DENND2B: variants seen among roughly 807,000 people sequenced by gnomAD.
The protein encoded by DENND2B is DENN domain-containing protein 2B.
In DENND2B, 32 loss-of-function variants were observed where a neutral mutation model predicts 116.0. The ratio of observed to expected loss-of-function variants is 0.28; its 90% CI spans 0.21 to 0.37. The LOEUF is 0.37. Ranked by LOEUF, DENND2B falls within the 10% of genes least tolerant of loss-of-function variation. The pLI, the probability that DENND2B is intolerant of heterozygous loss-of-function variation, is 1.00. For missense variants in DENND2B, 1,276 were observed against 1,477.7 expected (o/e 0.86, Z 2.24); for synonymous variants, 588 against 583.9 (o/e 1.01, Z -0.10).
chr11:8,735,117 G>A (rs973558624), intron 2 of DENND2B, among the ~76,000 whole-genome samples: 2 of 152,264 alleles, frequency 1.3e-5, no homozygotes, highest in Middle Eastern at 6.8e-3. Context: ...TGATCTCGGT[G>A]ATTTGCTTTG....
At chr11:8,891,056 T>C (rs2134743098) in intron 1 of DENND2B, among the ~76,000 whole-genome samples, 1 of 152,290 alleles carries the variant, frequency 6.6e-6, no homozygotes, top group Middle Eastern at 3.4e-3. Context: ...GTAGAAACTA[T>C]ACAAGCCAGA....
At chr11:8,813,218 A>C (rs574658556), upstream of DENND2B, among the ~76,000 whole-genome samples, 1 of 152,346 alleles carries the variant, frequency 6.6e-6, no homozygotes, top group Non-Finnish European at 1.5e-5. Flanking sequence ...CCAGAAGTTA[A>C]GGTAGGAAAG....
chr11:8,880,285 A>G (rs965587861), intron 2 of DENND2B, among the ~76,000 whole-genome samples: 16 of 151,822 alleles, frequency 1.1e-4, no homozygotes, highest in Non-Finnish European at 2.1e-4. Flanking sequence ...TTGAAGAGCC[A>G]AAATATTTAA....
chr11:8,860,081 A>G (rs2063342426), intron 2 of DENND2B, among the ~76,000 whole-genome samples: 1 of 152,126 alleles, frequency 6.6e-6, no homozygotes, highest in Non-Finnish European at 1.5e-5. Flanking sequence ...CCAAATAAAC[A>G]CCTAGAGAAT....
chr11:8,751,150 C>T (rs910585640), intron 1 of DENND2B, among the ~76,000 whole-genome samples: 13 of 152,140 alleles, frequency 8.5e-5, no homozygotes, highest in African/African-American at 3.1e-4. Flanking sequence ...TGTAAACGCA[C>T]CAATCAGCAC....
intron 1 of DENND2B, among the ~76,000 whole-genome samples, chr11:8,774,878 TTATTATTTTCAC>T (rs2057415526): frequency 1.4e-5 from 2 of 145,106 alleles, no homozygotes; most frequent in African/African-American, 5.1e-5. Flanking sequence ...TTTTTTTTAA[TTATTATTTTCAC>T]TTTTTTTTGA....
chr11:8,747,597 G>A (rs923608903), intron 2 of DENND2B, among the ~76,000 whole-genome samples: 1 of 152,176 alleles, frequency 6.6e-6, no homozygotes, highest in Non-Finnish European at 1.5e-5. Context: ...TCCCACCCCA[G>A]ACCCCCAGAG....
intron 4 of DENND2B, among the ~76,000 whole-genome samples, chr11:8,816,957 G>A (rs941181790): frequency 1.3e-5 from 2 of 152,162 alleles, no homozygotes; most frequent in African/African-American, 4.8e-5. Flanking sequence ...AGAGCCCCGG[G>A]CTTGGGGCTT....
chr11:8,900,202 G>C (rs4910119), intron 1 of DENND2B, among the ~76,000 whole-genome samples: 51,273 of 151,244 alleles, frequency 0.34, 10,358 homozygotes, highest in Non-Finnish European at 0.44. Context: ...GAGGCGGGTA[G>C]ATCACAAGGT....
At chr11:8,784,914 T>G (rs2058753196) in intron 1 of DENND2B, among the ~76,000 whole-genome samples, 1 of 152,026 alleles carries the variant, frequency 6.6e-6, no homozygotes, top group Non-Finnish European at 1.5e-5. Context: ...AAGCCGATCT[T>G]GTGTTTAGGC....
chr11:8,908,374 G>A (rs1460471774), intron 1 of DENND2B, among the ~76,000 whole-genome samples: 1 of 152,168 alleles, frequency 6.6e-6, no homozygotes, highest in Non-Finnish European at 1.5e-5. Flanking sequence ...CTATGATACT[G>A]GGTAAGTGAG....
At chr11:8,717,633 C>G (rs1460817542) in intron 5 of DENND2B, 108 bp downstream of exon 5, 5 of 1,353,282 alleles carry the variant, frequency 3.7e-6, no homozygotes, top group East Asian at 2.4e-5. Flanking sequence ...TTATCAAGTA[C>G]TAGTGAGGGT....
chr11:8,872,485 TAAAA>T (rs398044981), upstream of DENND2B, among the ~76,000 whole-genome samples: 1 of 102,940 alleles, frequency 9.7e-6, no homozygotes. Flanking sequence ...AGACTCCGTC[TAAAA>T]AAAAAAAAAA....
chr11:8,889,155 A>G (rs2063995483), intron 1 of DENND2B, among the ~76,000 whole-genome samples: 1 of 152,254 alleles, frequency 6.6e-6, no homozygotes, highest in South Asian at 2.1e-4. Flanking sequence ...TATTTGCAAT[A>G]GCTAAAATGT....
At chr11:8,802,899 C>T (rs1446758408) in intron 1 of DENND2B, among the ~76,000 whole-genome samples, 1 of 152,132 alleles carries the variant, frequency 6.6e-6, no homozygotes, top group Non-Finnish European at 1.5e-5. Context: ...TTCCAGCCTC[C>T]GAGTTCTGAG....
intron 11 of DENND2B, among the ~76,000 whole-genome samples, chr11:8,710,616 G>C (rs1592523408): frequency 2.0e-5 from 3 of 152,026 alleles, no homozygotes; most frequent in South Asian, 2.1e-4. Context: ...CGATCCTAAG[G>C]CCCCCTCAGA....
chr11:8,722,779 G>A (rs866606026), intron 4 of DENND2B, among the ~76,000 whole-genome samples: 6 of 152,002 alleles, frequency 3.9e-5, no homozygotes, highest in South Asian at 2.1e-4. Context: ...ACCACCCCAC[G>A]AGGCCAAAGC....
At chr11:8,738,460 G>T (rs376237714) in intron 2 of DENND2B, among the ~76,000 whole-genome samples, 3 of 152,114 alleles carry the variant, frequency 2.0e-5, no homozygotes, top group Admixed American at 6.5e-5. Flanking sequence ...CATTCCAGAG[G>T]GGGGAGAAAA....
intron 4 of DENND2B, among the ~76,000 whole-genome samples, chr11:8,829,054 GGT>G (rs1297621599): frequency 7.1e-6 from 1 of 141,754 alleles, no homozygotes; most frequent in Non-Finnish European, 1.6e-5. Context: ...GTTTGTGTGT[GGT>G]GTGTGTGGTG....
Sources: allele counts gnomAD v4.1 joint callset (sites outside exome capture counted in the v4.1 genomes callset), GRCh38; gene constraint gnomAD v4.1.1; transcripts MANE v1.5; gene names NCBI Gene and HGNC (gene_info 2026-07-23, HGNC 2026-07-21).